ENTREP2: variants seen among roughly 807,000 people sequenced by gnomAD.
ENTREP2 encodes protein ENTREP2.
the ENTREP2 span, among the ~76,000 whole-genome samples, chr15:29,568,710 C>CA: frequency 0.014 from 1,774 of 127,750 alleles, 51 homozygotes; most frequent in Non-Finnish European, 0.018. Context: ...CCTCTTAAGG[C>CA]AAAAAAAAAA....
the ENTREP2 span, among the ~76,000 whole-genome samples, chr15:29,590,683 C>CAAAAAAAAAA: frequency 1.3e-5 from 1 of 75,320 alleles, no homozygotes; most frequent in Admixed American, 1.9e-4. Context: ...GACTCCGTCT[C>CAAAAAAAAAA]AAAAAAAAAA....
the ENTREP2 span, among the ~76,000 whole-genome samples, chr15:29,622,277 C>G: frequency 1.8e-4 from 27 of 152,116 alleles, no homozygotes; most frequent in Admixed American, 1.8e-3. Flanking sequence ...ATGATCTCGG[C>G]TTACTGCAAC....
At chr15:29,482,199 G>T in the ENTREP2 span, among the ~76,000 whole-genome samples, 3 of 144,086 alleles carry the variant, frequency 2.1e-5, no homozygotes, top group African/African-American at 8.0e-5. Context: ...TAGTAGAGAT[G>T]GGATTTCACC....
the ENTREP2 span, among the ~76,000 whole-genome samples, chr15:29,226,485 G>A: frequency 6.6e-6 from 1 of 152,224 alleles, no homozygotes; most frequent in East Asian, 1.9e-4. Context: ...AGCCAAGAGA[G>A]GCCAAAACTA....
the ENTREP2 span, among the ~76,000 whole-genome samples, chr15:29,366,910 C>T: frequency 6.6e-6 from 1 of 152,130 alleles, no homozygotes; most frequent in East Asian, 1.9e-4. Flanking sequence ...AGGAGATTGC[C>T]AAGTGATGGA....
chr15:29,610,937 G>A, the ENTREP2 span: 3 of 152,102 alleles, frequency 2.0e-5, no homozygotes, highest in Admixed American at 6.5e-5. Flanking sequence ...TCCTCCATAA[G>A]TTCTGCTGCC....
the ENTREP2 span, among the ~76,000 whole-genome samples, chr15:29,640,727 G>A: frequency 6.6e-6 from 1 of 151,572 alleles, no homozygotes; most frequent in Non-Finnish European, 1.5e-5. Context: ...GAAAAGCACA[G>A]CACTGAGGAA....
chr15:29,615,925 G>A, the ENTREP2 span, among the ~76,000 whole-genome samples: 1 of 152,208 alleles, frequency 6.6e-6, no homozygotes, highest in Non-Finnish European at 1.5e-5. Context: ...GAAGCTCAAA[G>A]TGTGGGCACT....
the ENTREP2 span, among the ~76,000 whole-genome samples, chr15:29,131,813 C>T: frequency 6.7e-6 from 1 of 149,420 alleles, no homozygotes; most frequent in Non-Finnish European, 1.5e-5. Context: ...CTGAACCATA[C>T]GCTTGCCACC....
chr15:29,170,513 A>G, the ENTREP2 span, among the ~76,000 whole-genome samples: 2 of 152,338 alleles, frequency 1.3e-5, no homozygotes, highest in East Asian at 3.9e-4. Context: ...TCAATACTAT[A>G]AATACATTAA....
the ENTREP2 span, among the ~76,000 whole-genome samples, chr15:29,534,726 G>A: frequency 2.0e-5 from 3 of 152,302 alleles, no homozygotes; most frequent in South Asian, 2.1e-4. Context: ...ATCATGGAAT[G>A]GACCCTGAAT....
the ENTREP2 span, among the ~76,000 whole-genome samples, chr15:29,645,519 G>T: frequency 2.6e-5 from 4 of 151,894 alleles, no homozygotes; most frequent in African/African-American, 9.7e-5. Flanking sequence ...TTCATGGTGG[G>T]GAACCAGTCG....
the ENTREP2 span, among the ~76,000 whole-genome samples, chr15:29,629,089 T>C: frequency 2.0e-5 from 3 of 152,248 alleles, no homozygotes; most frequent in Non-Finnish European, 4.4e-5. Flanking sequence ...TCCCTGGTAA[T>C]TTTCTCTTGG....
the ENTREP2 span, among the ~76,000 whole-genome samples, chr15:29,338,589 C>T: frequency 6.6e-6 from 1 of 151,868 alleles, no homozygotes; most frequent in Non-Finnish European, 1.5e-5. Context: ...GTGTCGCCTC[C>T]ATAGGGCACT....
chr15:29,486,252 A>C, the ENTREP2 span, among the ~76,000 whole-genome samples: 2 of 152,228 alleles, frequency 1.3e-5, no homozygotes, highest in Non-Finnish European at 2.9e-5. Flanking sequence ...TTTTAATAAC[A>C]TGGATAAGCC....
the ENTREP2 span, among the ~76,000 whole-genome samples, chr15:29,394,751 C>A: frequency 1.3e-5 from 2 of 152,070 alleles, no homozygotes; most frequent in East Asian, 3.9e-4. Flanking sequence ...CCCACTCTAG[C>A]CCCTGACAAC....
At chr15:29,293,285 T>A in the ENTREP2 span, among the ~76,000 whole-genome samples, 3 of 152,020 alleles carry the variant, frequency 2.0e-5, no homozygotes, top group African/African-American at 7.2e-5. Context: ...GGAGTCTCGC[T>A]CTGTCCCCAG....
At chr15:29,555,983 G>A in the ENTREP2 span, among the ~76,000 whole-genome samples, 2 of 152,352 alleles carry the variant, frequency 1.3e-5, no homozygotes, top group South Asian at 4.1e-4. Context: ...GGCCAGGCAC[G>A]GTGCTCACGC....
At chr15:29,565,804 A>G in the ENTREP2 span, among the ~76,000 whole-genome samples, 1 of 152,038 alleles carries the variant, frequency 6.6e-6, no homozygotes, top group South Asian at 2.1e-4. Context: ...TCTACTAAAA[A>G]TACAAAATTA....
Sources: allele counts gnomAD v4.1 joint callset (sites outside exome capture counted in the v4.1 genomes callset), GRCh38; gene constraint gnomAD v4.1.1; transcripts MANE v1.5; gene names NCBI Gene and HGNC (gene_info 2026-07-23, HGNC 2026-07-21).